Variants in PCDH11X observed in about 807,000 individuals in gnomAD.
PCDH11X encodes the protein protocadherin-11 X-linked.
A neutral mutation model predicts 53.3 loss-of-function variants in PCDH11X; 18 were observed. The ratio of observed to expected loss-of-function variants is 0.34; its 90% CI spans 0.23 to 0.50. PCDH11X has a LOEUF of 0.50. PCDH11X is among the 20% of genes least tolerant of loss of function. The probability of loss-of-function intolerance (pLI) is 0.98; values close to 1 mark genes in which losing one functional copy is unlikely to be tolerated. For missense variants in PCDH11X, 570 were observed against 1,032.4 expected, an observed-to-expected ratio of 0.55 and a Z score of 6.14; for synonymous variants, 279 against 393.3, an observed-to-expected ratio of 0.71 and a Z score of 3.44.
chrX:92,336,674 TTCAC>T (rs2069626389), intron 8 of PCDH11X, among the ~76,000 whole-genome samples: 1 of 111,859 alleles, frequency 8.9e-6, no homozygotes, highest in Non-Finnish European at 1.9e-5. Context: ...TGACCTCAAA[TTCAC>T]TCAAAGTTTT....
chrX:92,269,838 G>T (rs768742658), intron 8 of PCDH11X, among the ~76,000 whole-genome samples: 3 of 111,299 alleles, frequency 2.7e-5, no homozygotes, highest in Non-Finnish European at 5.7e-5. Flanking sequence ...CATATTCCTT[G>T]CTATAATTAA....
At chrX:92,545,478 T>A (rs2074836923) in intron 10 of PCDH11X, among the ~76,000 whole-genome samples, 2 of 102,762 alleles carry the variant, frequency 1.9e-5, no homozygotes, top group East Asian at 6.3e-4. Context: ...CTGGGCTCAG[T>A]GTAAGCTCCG....
chrX:91,801,776 A>G (rs1935944887), intron 1 of PCDH11X, among the ~76,000 whole-genome samples: 1 of 112,113 alleles, frequency 8.9e-6, no homozygotes, highest in Admixed American at 9.5e-5. Context: ...TAAAAATGGC[A>G]TTTGTTATCA....
intron 10 of PCDH11X, among the ~76,000 whole-genome samples, chrX:92,527,711 C>T (rs1408554136): frequency 9.0e-6 from 1 of 111,202 alleles, no homozygotes; most frequent in African/African-American, 3.3e-5. Flanking sequence ...AAAATATATT[C>T]TCCTATTTAA....
intron 6 of PCDH11X, among the ~76,000 whole-genome samples, chrX:92,048,658 GA>G (rs762449983): frequency 3.0e-4 from 34 of 111,940 alleles, no homozygotes; most frequent in Non-Finnish European, 5.6e-4. Flanking sequence ...ATGTCTATTA[GA>G]AAAATAAATT....
chrX:92,442,060 A>T (rs1249466237), intron 9 of PCDH11X, among the ~76,000 whole-genome samples: 3 of 111,363 alleles, frequency 2.7e-5, no homozygotes, highest in Non-Finnish European at 3.8e-5. Flanking sequence ...ATAGACTTGC[A>T]TGGGGCCTGT....
intron 8 of PCDH11X, among the ~76,000 whole-genome samples, chrX:92,267,437 T>C (rs2067857622): frequency 1.8e-5 from 2 of 112,515 alleles, no homozygotes; most frequent in African/African-American, 6.5e-5. Context: ...GTAGCTATAG[T>C]AGCAAAGCAA....
chrX:92,460,453 G>C (rs1162657595), intron 9 of PCDH11X: 25 of 769,242 alleles, frequency 3.2e-5, no homozygotes, highest in Admixed American at 4.5e-5. Context: ...GAAGAACCGA[G>C]AGGAGCTAGA....
intron 10 of PCDH11X, among the ~76,000 whole-genome samples, chrX:92,564,656 A>G (rs949796413): frequency 8.9e-6 from 1 of 111,940 alleles, no homozygotes; most frequent in Non-Finnish European, 1.9e-5. Context: ...AACTCAAACT[A>G]TAAAATTACT....
At chrX:91,986,841 G>A (rs2062235590) in intron 6 of PCDH11X, among the ~76,000 whole-genome samples, 2 of 110,515 alleles carry the variant, frequency 1.8e-5, no homozygotes, top group South Asian at 7.8e-4. Context: ...TTTGCTATGT[G>A]AGATAACATA....
intron 8 of PCDH11X, among the ~76,000 whole-genome samples, chrX:92,315,052 T>A (rs992283230): frequency 9.0e-6 from 1 of 111,038 alleles, no homozygotes; most frequent in African/African-American, 3.3e-5. Context: ...ATTTTAAGAA[T>A]CTTCATCAAT....
intron 6 of PCDH11X, among the ~76,000 whole-genome samples, chrX:92,182,776 G>A (rs5942145): frequency 0.49 from 53,512 of 110,263 alleles, 10,056 homozygotes; most frequent in Non-Finnish European, 0.6. Flanking sequence ...CAGCCATGTG[G>A]AGCTGTAAGT....
At chrX:92,344,017 A>C (rs1265448739) in intron 8 of PCDH11X, among the ~76,000 whole-genome samples, 26 of 109,794 alleles carry the variant, frequency 2.4e-4, no homozygotes, top group Admixed American at 3.9e-4. Context: ...AAGTTTTGGC[A>C]CATTATTCTA....
chrX:92,556,161 A>G (rs923781600), intron 10 of PCDH11X, among the ~76,000 whole-genome samples: 2 of 111,456 alleles, frequency 1.8e-5, no homozygotes, highest in African/African-American at 6.5e-5. Context: ...ATAATTCAAG[A>G]TAAGATTTGG....
At chrX:92,326,731 G>C (rs1360591853) in intron 8 of PCDH11X, among the ~76,000 whole-genome samples, 1 of 82,256 alleles carries the variant, frequency 1.2e-5, no homozygotes, top group African/African-American at 5.0e-5. Flanking sequence ...TTTATTTTCT[G>C]TTCCTATTTC....
intron 6 of PCDH11X, among the ~76,000 whole-genome samples, chrX:91,881,478 G>T (rs1333335156): frequency 9.0e-6 from 1 of 110,890 alleles, no homozygotes; most frequent in African/African-American, 3.3e-5. Context: ...TTTTATTATT[G>T]GTTCACAGTT....
chrX:91,839,412 G>A lies in PCDH11X; in HGVS notation c.540+3368G>A, dbSNP rs755167742. On this transcript the variant is annotated intron_variant, in intron 5 of 10. Coordinates refer to ENST00000682573, the MANE Select transcript of PCDH11X (RefSeq NM_032968.5). ...GTGGATTACTTGAGGTTAGGAGTTC[G>A]AGACCAGCCTGGCCAACACAGTGAA... Among the ~76,000 whole-genome samples, 320 of 103,395 alleles carry A rather than the reference G, an allele frequency of 3.1e-3. 1 individual carries two copies. The highest frequency in any genetic ancestry group is 0.011 in the African/African-American group (299 of 28,142). The allele number at this position is 103,395 out of a possible 115,157, so 89.8% of individuals were successfully genotyped here.
chrX:92,218,729 A>G lies in PCDH11X; in HGVS notation c.3114+17274A>G, dbSNP rs773234104. ...AGCATCATCCTGATACCAAAGCCTG[A>G]CAGAGACACAACCAAAAAAAAGAAT... is the stretch of plus-strand genomic sequence containing the variant. On this transcript the variant is annotated intron_variant, in intron 7 of 10. Coordinates refer to ENST00000682573, the MANE Select transcript of PCDH11X (RefSeq NM_032968.5). Among the ~76,000 whole-genome samples, 6 of 111,556 alleles carry G rather than the reference A, an allele frequency of 5.4e-5. No individual in the cohort carries two copies. In the South Asian group the frequency reaches 1.9e-3, roughly 35 times the overall value.
chrX:92,557,312 T>C (rs2075061126), intron 10 of PCDH11X, among the ~76,000 whole-genome samples: 1 of 111,385 alleles, frequency 9.0e-6, no homozygotes, highest in Non-Finnish European at 1.9e-5. Context: ...ATCATGAAGC[T>C]GAAAATTTTC....
Sources: allele counts gnomAD v4.1 joint callset (sites outside exome capture counted in the v4.1 genomes callset), GRCh38; gene constraint gnomAD v4.1.1; transcripts MANE v1.5; gene names NCBI Gene and HGNC (gene_info 2026-07-23, HGNC 2026-07-21).